The following DAPK1 variants were observed in gnomAD, a reference collection of about 807,000 sequenced individuals.
The protein encoded by DAPK1 is death associated protein kinase 1.
DAPK1 carries 56 observed loss-of-function variants against 144.9 expected under a neutral mutation model. The observed-to-expected ratio is 0.39, with a 90% CI of 0.31 to 0.48. DAPK1 has a LOEUF of 0.48. Among genes scored for constraint, DAPK1 ranks in the 20% least tolerant of loss-of-function variants. DAPK1 has a pLI of 0.95. For missense variants in DAPK1, 1,454 were observed against 1,875.4 expected, an observed-to-expected ratio of 0.78 and a Z score of 4.15; for synonymous variants, 690 against 749.0, an observed-to-expected ratio of 0.92 and a Z score of 1.29.
At chr9:87,642,524 C>T (rs1333740408) in intron 10 of DAPK1, among the ~76,000 whole-genome samples, 3 of 152,112 alleles carry the variant, frequency 2.0e-5, no homozygotes, top group African/African-American at 7.2e-5. Context: ...TCTCCTTCCT[C>T]AGTGTGGATG....
chr9:87,644,416 C>T (rs560348343), intron 11 of DAPK1, among the ~76,000 whole-genome samples: 6 of 152,116 alleles, frequency 3.9e-5, no homozygotes, highest in East Asian at 1.9e-4. Flanking sequence ...AGCATTTTCC[C>T]GGTGGAGCCA....
At chr9:87,635,028 G>T (rs1210961624) in intron 3 of DAPK1, among the ~76,000 whole-genome samples, 1 of 152,126 alleles carries the variant, frequency 6.6e-6, no homozygotes, top group Non-Finnish European at 1.5e-5. Context: ...TTTATAGAAG[G>T]GGAGTCAGAG....
In DAPK1 at chr9:87,640,842, A is replaced by G; in HGVS notation, c.823A>G (p.Ile275Val). 6.2e-7 allele frequency: 1 copy of G among 1,614,126 alleles called. No homozygotes were observed. Among genetic ancestry groups the G allele is most frequent in the Non-Finnish European group, 8.5e-7 (1 of 1,179,982 alleles). ...TIQDSLQHPW[I>V]KPKDTQQALS... ...TCAAGATAGTTTGCAGCATCCCTGG[A>G]TCAAGGTGAGTTGCATATTACGAAA... The change falls in exon 9 of 26, where the codon ATC becomes GTC. Residue 275 changes from isoleucine (I) to valine (V), a missense_variant. This residue lies in a region of DAPK1 where 429 missense variants were observed against 637.5 expected (regional missense o/e 0.67). Transcript: ENST00000408954.
chr9:87,513,722 G>A (rs192787993), intron 2 of DAPK1, among the ~76,000 whole-genome samples: 3 of 152,348 alleles, frequency 2.0e-5, no homozygotes, highest in African/African-American at 4.8e-5. Context: ...GGGTGGTGCA[G>A]CTCATTTTGT....
At chr9:87,519,900 C>A (rs1158488921) in intron 2 of DAPK1, among the ~76,000 whole-genome samples, 1 of 152,000 alleles carries the variant, frequency 6.6e-6, no homozygotes, top group Admixed American at 6.6e-5. Flanking sequence ...TCCAGCTTGG[C>A]CTTTGATCCA....
intron 20 of DAPK1, among the ~76,000 whole-genome samples, chr9:87,683,090 T>TTA (rs1824702215): frequency 1.3e-5 from 2 of 150,732 alleles, no homozygotes; most frequent in African/African-American, 4.9e-5. Flanking sequence ...TATTTATTTT[T>TTA]TTTTTTTTTT....
rs377253457 is a variant in DAPK1, at chr9:87,571,473, A to ACACACACACCCC, written c.63-33480_63-33479insACACACACCCCC. 6.9e-5 allele frequency among the ~76,000 whole-genome samples: 4 copies of ACACACACACCCC among 57,644 alleles called. 1 individual carries two copies. Among genetic ancestry groups the ACACACACACCCC allele is most frequent in the South Asian group, 8.8e-4 (1 of 1,142 alleles). 37.8% of individuals were successfully genotyped at this position (57,644 alleles called of 152,430 possible). A position where few individuals can be genotyped will look rare whatever the true frequency, so the allele number is the denominator to read the frequency against. On this transcript the variant is annotated intron_variant, in intron 2 of 25. Transcript: ENST00000408954. The stretch of plus-strand genomic sequence containing the variant: ...CACACACACACACACACACACACAC[A>ACACACACACCCC]CCAACACACACACACACACACCCCA...
chr9:87,640,975 A>G (rs971528195), intron 9 of DAPK1, 128 bp downstream of exon 9: 2 of 908,418 alleles, frequency 2.2e-6, no homozygotes, highest in Non-Finnish European at 1.8e-6. Flanking sequence ...TGCTATTTGC[A>G]TCGTATCTTA....
rs1200073165 is a variant in DAPK1 at position 87,681,614 on chromosome 9, T to G, written c.2212T>G (p.Ser738Ala). 6.3e-7 allele frequency: 1 copy of G among 1,577,706 alleles called. No homozygotes were observed. The highest frequency in any genetic ancestry group is 1.1e-5 in the South Asian group (1 of 90,342). ...SSRFPPSPLA[S>A]KPTVSVSINN... is the part of the protein sequence containing the mutation. ...CAGGTTCCCACCTTCACCCCTGGCT[T>G]CTAAGCCCACAGGTAGGAACCTCCA... is the stretch of plus-strand genomic sequence containing the variant. Residue 738 changes from serine (S) to alanine (A), a missense_variant, in exon 20 of 26, where the codon TCT becomes GCT. Coordinates refer to ENST00000408954, the MANE Select transcript of DAPK1 (RefSeq NM_004938.4).
chr9:87,611,232 G>A (rs764150748), intron 3 of DAPK1, among the ~76,000 whole-genome samples: 3 of 152,202 alleles, frequency 2.0e-5, no homozygotes, highest in African/African-American at 4.8e-5. Flanking sequence ...AGAATTGCCT[G>A]AAGGGCTTGT....
chr9:87,574,505 G>A (rs1384132093), intron 2 of DAPK1, among the ~76,000 whole-genome samples: 1 of 152,212 alleles, frequency 6.6e-6, no homozygotes, highest in Non-Finnish European at 1.5e-5. Flanking sequence ...GTTCCTCCAA[G>A]AGGAGGCAGA....
At chr9:87,523,997 C>T (rs1445768994) in intron 2 of DAPK1, among the ~76,000 whole-genome samples, 1 of 152,192 alleles carries the variant, frequency 6.6e-6, no homozygotes, top group East Asian at 1.9e-4. Flanking sequence ...CTAGTGAGTG[C>T]ACTGTCTAAA....
intron 17 of DAPK1, among the ~76,000 whole-genome samples, chr9:87,653,119 T>C (rs75137334): frequency 1.3e-3 from 101 of 78,302 alleles, no homozygotes; most frequent in Middle Eastern, 9.1e-3. Flanking sequence ...GATTCTGTGT[T>C]CTCTCACCTG....
Position 87,668,601 on chromosome 9 carries a change from G to A in DAPK1, c.1928G>A (p.Gly643Glu). 7.1e-7 allele frequency: 1 copy of A among 1,405,584 alleles called. No homozygotes were observed. Among genetic ancestry groups the A allele is most frequent in the Non-Finnish European group, 1.0e-6 (1 of 989,320 alleles). The allele number at this position is 1,405,584 out of a possible 1,614,324, so 87.1% of individuals were successfully genotyped here. A position where few individuals can be genotyped will look rare whatever the true frequency, so the allele number is the denominator to read the frequency against. ...TAATGCATTTTTCTCCAACAGGACG[G>A]AAAGACGGCAGAAGATCTTGCTAGA... ...GASVEALTTDGKTAEDLARSE... is the reference protein window; with the variant it reads ...GASVEALTTDEKTAEDLARSE... The change falls in exon 19 of 26, where the codon GGA (glycine) becomes GAA (glutamate). Residue 643 changes from glycine to glutamate, a missense_variant. Gly to Glu is a moderately conservative substitution (Grantham distance 98). Coordinates refer to ENST00000408954, the MANE Select transcript of DAPK1 (RefSeq NM_004938.4).
intron 19 of DAPK1, among the ~76,000 whole-genome samples, chr9:87,680,636 G>C (rs1275829861): frequency 7.2e-6 from 1 of 138,370 alleles, no homozygotes; most frequent in Non-Finnish European, 1.6e-5. Context: ...AAGTGTGGGG[G>C]TCACACACAC....
chr9:87,509,369 CT>C (rs977642949), intron 2 of DAPK1, among the ~76,000 whole-genome samples: 5 of 151,214 alleles, frequency 3.3e-5, no homozygotes, highest in African/African-American at 1.2e-4. Context: ...ATTTTCTTTT[CT>C]TTTTTTTTGA....
chr9:87,655,116 G>T (rs1830586870), intron 17 of DAPK1, among the ~76,000 whole-genome samples: 1 of 152,208 alleles, frequency 6.6e-6, no homozygotes, highest in Non-Finnish European at 1.5e-5. Context: ...GTCATTGAAT[G>T]AAGCTCAGCT....
intron 19 of DAPK1, among the ~76,000 whole-genome samples, chr9:87,676,323 G>A (rs551967823): frequency 6.6e-6 from 1 of 152,222 alleles, no homozygotes; most frequent in South Asian, 2.1e-4. Context: ...ACCTGGCCTG[G>A]AGCCCTCTCT....
At position 87,497,994 on chromosome 9, in the gene DAPK1, C is replaced by G. The variant is rs377011195; in HGVS notation, c.-222C>G. The G allele has an allele frequency of 1.6e-4, 62 of 397,486 alleles. No homozygotes were observed. Among genetic ancestry groups the G allele is most frequent in the Admixed American group, 4.0e-4 (9 of 22,716 alleles). 24.6% of individuals were successfully genotyped at this position (397,486 alleles called of 1,614,324 possible). A position where few individuals can be genotyped will look rare whatever the true frequency, so the allele number is the denominator to read the frequency against. On this transcript the variant is annotated 5_prime_UTR_variant, in exon 1 of 26. Coordinates refer to ENST00000408954, the MANE Select transcript of DAPK1 (RefSeq NM_004938.4). ...GCGCCTGGGAGGGATCTGCGCCCCC[C>G]ACTCACTCCCTAGCTGTGTTCCCGC...
Sources: allele counts gnomAD v4.1 joint callset (sites outside exome capture counted in the v4.1 genomes callset), GRCh38; gene constraint gnomAD v4.1.1; regional missense constraint gnomAD v4.1.1; transcripts MANE v1.5; gene names NCBI Gene and HGNC (gene_info 2026-07-23, HGNC 2026-07-21).